The following PLCL1 variants were observed in gnomAD, a reference collection of about 807,000 sequenced individuals.
PLCL1 encodes inactive phospholipase C-like protein 1.
Under a neutral mutation model 84.4 loss-of-function variants are expected in PLCL1, and 41 were observed. The observed-to-expected ratio is 0.49, with a 90% CI of 0.38 to 0.63. PLCL1 has a LOEUF of 0.63. Among genes scored for constraint, PLCL1 ranks in the 30% least tolerant of loss-of-function variants. The probability of loss-of-function intolerance (pLI) is 0.00; values close to 1 mark genes in which losing one functional copy is unlikely to be tolerated. For synonymous variants in PLCL1, 490 were observed against 488.3 expected (o/e 1.00, Z -0.05); for missense variants, 1,206 against 1,367.8 (o/e 0.88, Z 1.87).
chr2:198,036,876 C>A (rs1691561690), intron 1 of PLCL1, among the ~76,000 whole-genome samples: 1 of 152,188 alleles, frequency 6.6e-6, no homozygotes, highest in Non-Finnish European at 1.5e-5. Context: ...AGTTCTGCTA[C>A]CTTGCATAAA....
intron 1 of PLCL1, among the ~76,000 whole-genome samples, chr2:197,879,029 G>A (rs1687784058): frequency 6.6e-6 from 1 of 152,184 alleles, no homozygotes; most frequent in South Asian, 2.1e-4. Flanking sequence ...GGAGCTGAGG[G>A]GCAGTTGTCT....
chr2:197,882,120 AC>A (rs943356197), intron 1 of PLCL1, among the ~76,000 whole-genome samples: 17 of 152,242 alleles, frequency 1.1e-4, no homozygotes, highest in Middle Eastern at 3.4e-3. Flanking sequence ...AAAATTGTTA[AC>A]CTATAGTTCC....
intron 1 of PLCL1, among the ~76,000 whole-genome samples, chr2:198,055,294 CCTCT>C (rs772260935): frequency 0.015 from 1,743 of 120,046 alleles, 26 homozygotes; most frequent in African/African-American, 0.036. Context: ...CTGGTCAAAG[CCTCT>C]CTCTCTCTCT....
Position 197,866,091 on chromosome 2 carries a change from CTATATATATATATAAACTA to C in PLCL1, c.240+60765_240+60783del, listed in dbSNP as rs1476185513. Among the ~76,000 whole-genome samples the C allele has an allele frequency of 7.7e-4, 16 of 20,660 alleles. 6 individuals are homozygous for C. In the Admixed American group the frequency reaches 7.9e-3, roughly 10 times the overall value. The allele number at this position is 20,660 out of a possible 152,430, so 13.6% of individuals were successfully genotyped here. A position where few individuals can be genotyped will look rare whatever the true frequency, so the allele number is the denominator to read the frequency against. ...CACTATATATATATATATATATAAA[CTATATATATATATAAACTA>C]TATATATATATAAACTATATATATA... is the stretch of plus-strand genomic sequence containing the variant. On this transcript the variant is annotated intron_variant, in intron 1 of 5. Coordinates refer to ENST00000428675, the MANE Select transcript of PLCL1 (RefSeq NM_006226.4).
At chr2:197,974,055 C>A (rs556911266) in intron 1 of PLCL1, among the ~76,000 whole-genome samples, 260 of 152,246 alleles carry the variant, frequency 1.7e-3, no homozygotes, top group Non-Finnish European at 3.1e-3. Context: ...ACAGGACTTG[C>A]TGATGGCTGC....
Position 197,916,550 on chromosome 2 carries a change from G to A in PLCL1, c.240+111211G>A, listed in dbSNP as rs187031620. Among the ~76,000 whole-genome samples the A allele has an allele frequency of 2.0e-4, 31 of 152,132 alleles. No homozygotes were observed. In the East Asian group the frequency reaches 6.0e-3, roughly 29 times the overall value. On this transcript the variant is annotated intron_variant, in intron 1 of 5. Transcript: ENST00000428675. The stretch of plus-strand genomic sequence containing the variant: ...TATGTACAATGCAGTCCATGCAATG[G>A]CACATAGTTAGCACTCAATATATAT...
intron 1 of PLCL1, among the ~76,000 whole-genome samples, chr2:197,984,537 A>T (rs961223124): frequency 6.6e-6 from 1 of 152,172 alleles, no homozygotes; most frequent in African/African-American, 2.4e-5. Flanking sequence ...TCATGTTCAC[A>T]GTTTATTCTG....
At chr2:198,087,109 A>G (rs1000018593) in intron 2 of PLCL1, among the ~76,000 whole-genome samples, 2 of 152,184 alleles carry the variant, frequency 1.3e-5, no homozygotes, top group South Asian at 2.1e-4. Context: ...TGTCTTAGAA[A>G]TGTGGTTTAA....
intron 1 of PLCL1, among the ~76,000 whole-genome samples, chr2:197,851,837 C>T (rs1319440264): frequency 1.3e-5 from 2 of 152,184 alleles, no homozygotes; most frequent in Non-Finnish European, 1.5e-5. Flanking sequence ...TGGCACCTGG[C>T]CCCATTCCCC....
chr2:198,014,570 G>GT (rs1051224891), intron 1 of PLCL1, among the ~76,000 whole-genome samples: 4 of 151,836 alleles, frequency 2.6e-5, no homozygotes, highest in African/African-American at 4.8e-5. Context: ...TAATTTTGTT[G>GT]TTTATGTTAT....
intron 1 of PLCL1, among the ~76,000 whole-genome samples, chr2:197,849,618 A>T (rs1392669461): frequency 6.6e-6 from 1 of 152,202 alleles, no homozygotes; most frequent in Non-Finnish European, 1.5e-5. Context: ...AATGCAAGAA[A>T]TTTGGAGAAA....
At position 197,946,515 on chromosome 2, in the gene PLCL1, A is replaced by ATT. The variant is rs5837574; in HGVS notation, c.241-137236_241-137235dup. Reference sequence around the variant, plus strand: ...TTATATTTTAAAGAAATTAAAAACAATTTTTTTTATTTATTGGAAATGAGG... The same window carrying ATT: ...TTATATTTTAAAGAAATTAAAAACAATTTTTTTTTTATTTATTGGAAATGAGG... On this transcript the variant is annotated intron_variant, in intron 1 of 5. Coordinates refer to ENST00000428675, the MANE Select transcript of PLCL1 (RefSeq NM_006226.4). Among the ~76,000 whole-genome samples the ATT allele has an allele frequency of 1.5e-3, 230 of 151,798 alleles. 1 individual carries two copies. The highest frequency in any genetic ancestry group is 0.014 in the Middle Eastern group (4 of 292).
chr2:197,991,835 C>A (rs1261055826), intron 1 of PLCL1, among the ~76,000 whole-genome samples: 1 of 152,116 alleles, frequency 6.6e-6, no homozygotes, highest in African/African-American at 2.4e-5. Flanking sequence ...TGGGGTATGT[C>A]ATCAGAGTGA....
intron 5 of PLCL1, among the ~76,000 whole-genome samples, chr2:198,142,533 G>A (rs1399221449): frequency 6.6e-6 from 1 of 151,988 alleles, no homozygotes; most frequent in Non-Finnish European, 1.5e-5. Context: ...CTTAATGTTT[G>A]TTTTTTAAAT....
chr2:197,961,238 GGA>G (rs60411488), intron 1 of PLCL1, among the ~76,000 whole-genome samples: 3,865 of 145,840 alleles, frequency 0.027, 143 homozygotes, highest in African/African-American at 0.078. Flanking sequence ...TTGGGAAGGT[GGA>G]GAGAGAGAGA....
chr2:198,025,018 T>G (rs1357093310), intron 1 of PLCL1, among the ~76,000 whole-genome samples: 1 of 152,202 alleles, frequency 6.6e-6, no homozygotes, highest in Non-Finnish European at 1.5e-5. Flanking sequence ...TTTGAAAATC[T>G]ACTTGATGTA....
At chr2:197,933,245 GTTTCTTTTTTTTTTCT>G (rs1437730355) in intron 1 of PLCL1, among the ~76,000 whole-genome samples, 7 of 141,994 alleles carry the variant, frequency 4.9e-5, no homozygotes, top group South Asian at 2.3e-4. Context: ...TGTTTGTGTT[GTTTCTTTTTTTTTTCT>G]TTTCTTTTTT....
chr2:197,873,739 C>A (rs1346431714), intron 1 of PLCL1, among the ~76,000 whole-genome samples: 1 of 152,158 alleles, frequency 6.6e-6, no homozygotes, highest in African/African-American at 2.4e-5. Context: ...TATCAGGCCA[C>A]CTTCCTCCAA....
intron 1 of PLCL1, among the ~76,000 whole-genome samples, chr2:197,911,393 GAA>G (rs1219486437): frequency 6.6e-6 from 1 of 151,864 alleles, no homozygotes; most frequent in Non-Finnish European, 1.5e-5. Context: ...ATTTAGAAAA[GAA>G]AATATTTTTT....
Sources: allele counts gnomAD v4.1 joint callset (sites outside exome capture counted in the v4.1 genomes callset), GRCh38; gene constraint gnomAD v4.1.1; transcripts MANE v1.5; gene names NCBI Gene and HGNC (gene_info 2026-07-23, HGNC 2026-07-21).